Variants in TFEC observed in about 807,000 individuals in gnomAD.
TFEC encodes the protein class E basic helix-loop-helix protein 34.
In TFEC, 31 loss-of-function variants were observed where a neutral mutation model predicts 41.6. That is an observed-to-expected ratio of 0.74 (90% confidence interval 0.56 to 1.01). TFEC has a LOEUF of 1.01. TFEC is among the 50% of genes least tolerant of loss of function. The probability of loss-of-function intolerance (pLI) is 0.00; values close to 1 mark genes in which losing one functional copy is unlikely to be tolerated. For missense variants in TFEC, 402 were observed against 404.1 expected, an observed-to-expected ratio of 0.99 and a Z score of 0.04; for synonymous variants, 143 against 140.6, an observed-to-expected ratio of 1.02 and a Z score of -0.12.
rs769640307 is a variant in TFEC, at chr7:115,984,327, G to T, written c.115C>A (p.Leu39Ile). 1 of 1,614,040 alleles carries T rather than the reference G, an allele frequency of 6.2e-7. No homozygotes were observed. The highest frequency in any genetic ancestry group is 8.5e-7 in the Non-Finnish European group (1 of 1,179,958). Residue 39 changes from leucine (L) to isoleucine (I), a missense_variant, in exon 2 of 8, where the codon CTC becomes ATC. Physicochemically the swap from Leu to Ile is conservative, Grantham distance 5 (BLOSUM62 2). Transcript: ENST00000265440. ...AACTTGGTGAGTGGGTTTTCTGTGA[G>T]GCCAGCATCACTGTCCAGAGTTGTG... ...AHTTLDSDAG[L>I]TENPLTKLLA...
At chr7:115,983,058 T>C (rs539530735) in intron 2 of TFEC, among the ~76,000 whole-genome samples, 60 of 152,238 alleles carry the variant, frequency 3.9e-4, no homozygotes, top group Non-Finnish European at 5.9e-4. Context: ...AGTTGTAGGA[T>C]AAACTGTACT....
intron 1 of TFEC, among the ~76,000 whole-genome samples, chr7:115,986,346 C>A (rs912490653): frequency 6.6e-6 from 1 of 151,956 alleles, no homozygotes; most frequent in African/African-American, 2.4e-5. Flanking sequence ...ATAGATGAAG[C>A]CACTAAAATT....
chr7:115,970,992 A>AATAATAATAATT (rs1431099935), intron 3 of TFEC, among the ~76,000 whole-genome samples: 3 of 152,092 alleles, frequency 2.0e-5, no homozygotes, highest in Non-Finnish European at 4.4e-5. Context: ...GTCATATAGT[A>AATAATAATAATT]GGTAAACATA....
chr7:116,081,449 C>T (rs1797088537), intron 3 of TFEC, among the ~76,000 whole-genome samples: 1 of 152,070 alleles, frequency 6.6e-6, no homozygotes, highest in African/African-American at 2.4e-5. Flanking sequence ...CCTCTGCAAT[C>T]TATCTCAGCA....
intron 1 of TFEC, among the ~76,000 whole-genome samples, chr7:116,115,331 T>G (rs1433702367): frequency 1.3e-5 from 2 of 152,152 alleles, no homozygotes; most frequent in Middle Eastern, 3.4e-3. Flanking sequence ...CTTATACTTC[T>G]GTAGTAGAGA....
rs766835248 is a variant in TFEC, at chr7:115,984,352, G to C, written c.90C>G (p.His30Gln). 1.9e-5 allele frequency: 31 copies of C among 1,613,990 alleles called. No individual in the cohort carries two copies. Among genetic ancestry groups the C allele is most frequent in the Non-Finnish European group, 2.5e-5 (30 of 1,179,976 alleles). The change falls in exon 2 of 8, where the codon CAC becomes CAG. Residue 30 changes from histidine to glutamine, a missense_variant. Coordinates refer to ENST00000265440, the MANE Select transcript of TFEC (RefSeq NM_012252.4). ...PSGGPLVQHAHTTLDSDAGLT... is the reference protein window; with the variant it reads ...PSGGPLVQHAQTTLDSDAGLT... The stretch of plus-strand genomic sequence containing the variant: ...GGCCAGCATCACTGTCCAGAGTTGT[G>C]TGTGCATGCTGCACAAGAGGCCCAC...
At chr7:116,036,277 C>A (rs1288182516) in intron 3 of TFEC, among the ~76,000 whole-genome samples, 3 of 151,994 alleles carry the variant, frequency 2.0e-5, no homozygotes, top group African/African-American at 7.2e-5. Flanking sequence ...AGGAAAAGAG[C>A]TAGGGTATTT....
At chr7:116,056,171 C>T (rs1052050357) in intron 3 of TFEC, among the ~76,000 whole-genome samples, 14 of 151,820 alleles carry the variant, frequency 9.2e-5, no homozygotes, top group East Asian at 3.9e-4. Flanking sequence ...GAGTGATCCC[C>T]GAGAGACAGG....
chr7:116,030,444 G>T (rs1253668428), intron 1 of TFEC, among the ~76,000 whole-genome samples, 189 bp downstream of exon 1: 2 of 152,116 alleles, frequency 1.3e-5, no homozygotes. Context: ...TAGAGTTTCA[G>T]ACATATTTTC....
intron 6 of TFEC, among the ~76,000 whole-genome samples, chr7:115,944,249 T>C (rs1793675578): frequency 6.6e-6 from 1 of 151,302 alleles, no homozygotes; most frequent in Non-Finnish European, 1.5e-5. Context: ...CTTTTAACTT[T>C]CTACTCATGT....
At chr7:116,034,673 C>G (rs1007963655), upstream of TFEC, among the ~76,000 whole-genome samples, 1 of 142,108 alleles carries the variant, frequency 7.0e-6, no homozygotes. Context: ...CACACTAACA[C>G]GCACAGGCAT....
At chr7:116,123,605 T>C (rs534105651) in intron 1 of TFEC, among the ~76,000 whole-genome samples, 55 of 152,212 alleles carry the variant, frequency 3.6e-4, no homozygotes, top group African/African-American at 1.3e-3. Flanking sequence ...CACACTCCAC[T>C]TTTGCAAACA....
chr7:116,032,382 C>G (rs1351688346), upstream of TFEC, among the ~76,000 whole-genome samples: 1 of 152,068 alleles, frequency 6.6e-6, no homozygotes, highest in African/African-American at 2.4e-5. Context: ...CACATGCACA[C>G]GTATGTTCAC....
At chr7:116,075,311 G>A (rs1796931947) in intron 3 of TFEC, among the ~76,000 whole-genome samples, 1 of 152,204 alleles carries the variant, frequency 6.6e-6, no homozygotes, top group Non-Finnish European at 1.5e-5. Flanking sequence ...AGACAGAGCA[G>A]TGTGTGGAGA....
intron 3 of TFEC, among the ~76,000 whole-genome samples, chr7:116,110,009 A>C (rs1444361015): frequency 6.6e-6 from 1 of 152,304 alleles, no homozygotes; most frequent in Middle Eastern, 3.4e-3. Context: ...TCTCACTCAT[A>C]GGTGGGAACT....
intron 3 of TFEC, among the ~76,000 whole-genome samples, chr7:116,085,092 A>G (rs1248391603): frequency 6.6e-6 from 1 of 151,872 alleles, no homozygotes; most frequent in African/African-American, 2.4e-5. Flanking sequence ...AGTCATGCAA[A>G]GAGCAGGGCA....
At chr7:116,001,183 T>C (rs1444501828) in intron 1 of TFEC, among the ~76,000 whole-genome samples, 1 of 152,060 alleles carries the variant, frequency 6.6e-6, no homozygotes, top group African/African-American at 2.4e-5. Flanking sequence ...AAGGTGCCAA[T>C]AACACATATT....
In TFEC at chr7:115,996,550, G is replaced by A. The variant is rs188391460; in HGVS notation, c.-72-12037C>T. Among the ~76,000 whole-genome samples, 4 of 151,884 alleles carry A rather than the reference G, an allele frequency of 2.6e-5. No individual in the cohort carries two copies. The East Asian group carries it at 7.8e-4, about 30-fold the overall frequency. The stretch of plus-strand genomic sequence containing the variant: ...AGACTCCTTCTGCTTGAGAAAAGGA[G>A]AGGGAAGAGTAAAGAAGACTTTGTC... On this transcript the variant is annotated intron_variant, in intron 1 of 7. Transcript: ENST00000265440.
chr7:116,130,513 T>C (rs1798311573), intron 1 of TFEC, among the ~76,000 whole-genome samples: 1 of 152,172 alleles, frequency 6.6e-6, no homozygotes, highest in Non-Finnish European at 1.5e-5. Context: ...GAATCTCGAG[T>C]TTAAAAACAT....
Sources: gnomAD v4.1 joint callset for allele counts (sites outside exome capture counted in the v4.1 genomes callset) on GRCh38, gnomAD v4.1.1 for gene constraint, MANE v1.5 for transcripts, NCBI Gene and HGNC (gene_info 2026-07-23, HGNC 2026-07-21) for gene names.